Variants in BCL6B observed in about 807,000 individuals in gnomAD.
The protein encoded by BCL6B is B-cell CLL/lymphoma 6 member B protein.
BCL6B carries 28 observed loss-of-function variants against 44.6 expected under a neutral mutation model. That is an observed-to-expected ratio of 0.63 (90% CI 0.47 to 0.86). The LOEUF (loss-of-function observed/expected upper bound fraction) is 0.86, where lower values mean the gene tolerates loss of function less well. Ranked by LOEUF, BCL6B falls within the 40% of genes least tolerant of loss-of-function variation. The pLI, the probability that BCL6B is intolerant of heterozygous loss-of-function variation, is 0.00. For missense variants in BCL6B, 626 were observed against 652.3 expected (o/e 0.96, Z 0.44); for synonymous variants, 268 against 263.6 (o/e 1.02, Z -0.16).
In BCL6B at chr17:7,024,165, G is replaced by C. The variant is rs1309030045; in HGVS notation, c.262G>C (p.Gly88Arg). 6.2e-7 allele frequency: 1 copy of C among 1,613,988 alleles called. No individual in the cohort carries two copies. The highest frequency in any genetic ancestry group is 8.5e-7 in the Non-Finnish European group (1 of 1,180,006). The change falls in exon 3 of 9, where the codon GGC (glycine) becomes CGC (arginine). Residue 88 changes from glycine to arginine, a missense_variant. Transcript: ENST00000293805. This position sits in a 1 kb window ranked among gnomAD's most constrained non-coding sequence, Gnocchi z 6.6. ...LSLPGGPEAR[G>R]FAPLLDFMYT... is the part of the protein sequence containing the mutation. ...TCTGCCCGGGGGTCCCGAAGCGAGA[G>C]GCTTCGCCCCTCTATTGGACTTCAT...
In BCL6B at chr17:7,026,988, G is replaced by A. The variant is rs202012338; in HGVS notation, c.1224G>A (p.Gly408=). 6.2e-7 allele frequency: 1 copy of A among 1,613,434 alleles called. No homozygotes were observed. Among genetic ancestry groups the A allele is most frequent in the Non-Finnish European group, 8.5e-7 (1 of 1,179,998 alleles). ...GGGCGCACGTGCTGATCCACACCGG[G>A]GAGAAGCCCTACCCTTGCCCTACCT... ...HLRAHVLIHT[G]EKPYPCPTCG... The change falls in exon 8 of 9, where the codon GGG becomes GGA. Residue 408 remains glycine (G), a synonymous_variant. Transcript: ENST00000293805.
chr17:7,024,029 GCA>G lies in BCL6B; in HGVS notation c.180-53_180-52del. On this transcript the variant is annotated intron_variant, in intron 2 of 8. Transcript: ENST00000293805. The surrounding 1 kb of genome is among the most constrained non-coding windows in gnomAD (Gnocchi z 6.6). ...AGGGGGCGGGGCTTCCTGAAGCTGC[GCA>G]TGTCTCCCTTGGTTCCCCAGCCCCC... 1 of 1,581,024 alleles carries G rather than the reference GCA, an allele frequency of 6.3e-7. No individual in the cohort carries two copies. The highest frequency in any genetic ancestry group is 8.7e-7 in the Non-Finnish European group (1 of 1,153,494).
intron 5 of BCL6B, among the ~76,000 whole-genome samples, chr17:7,025,709 C>T (rs1910266627): frequency 3.3e-5 from 5 of 151,964 alleles, no homozygotes; most frequent in Admixed American, 1.3e-4. Context: ...CGGTGGTGCA[C>T]ACCTGTAGTC....
Position 7,027,032 on chromosome 17 carries a change from A to C in BCL6B, c.1268A>C (p.His423Pro), listed in dbSNP as rs752543663. Residue 423 changes from histidine (H) to proline (P), a missense_variant, in exon 8 of 9, where the codon CAC becomes CCC. His to Pro is a moderately conservative substitution (Grantham distance 77). Transcript: ENST00000293805. ...PCPTCGTRFR[H>P]LQTLKSHVRI... Reference sequence around the variant, plus strand: ...CCTACCTGCGGAACCCGCTTCCGCCACCTGCAGACCCTCAAGAGCCACGTT... The same window carrying C: ...CCTACCTGCGGAACCCGCTTCCGCCCCCTGCAGACCCTCAAGAGCCACGTT... The C allele has an allele frequency of 6.2e-6, 10 of 1,613,932 alleles. No individual in the cohort carries two copies. Among genetic ancestry groups the C allele is most frequent in the Non-Finnish European group, 8.5e-6 (10 of 1,179,992 alleles).
Position 7,029,405 on chromosome 17 carries a change from T to G in BCL6B, c.*1786T>G. On this transcript the variant is annotated 3_prime_UTR_variant, in exon 9 of 9. Coordinates refer to ENST00000293805, the MANE Select transcript of BCL6B (RefSeq NM_181844.4). Reference sequence around the variant, plus strand: ...TGTGGGGTAGAACTTCAACAATAAGTCAGTTCTAGTGGCTGTCGCCTGGGG... The same window carrying G: ...TGTGGGGTAGAACTTCAACAATAAGGCAGTTCTAGTGGCTGTCGCCTGGGG... 3.0e-6 allele frequency: 3 copies of G among 1,003,124 alleles called. No individual in the cohort carries two copies. The South Asian group carries it at 1.2e-4, about 41-fold the overall frequency. 62.1% of individuals were successfully genotyped at this position (1,003,124 alleles called of 1,614,324 possible). A position where few individuals can be genotyped will look rare whatever the true frequency, so the allele number is the denominator to read the frequency against.
Position 7,024,228 on chromosome 17 carries a change from C to T in BCL6B, c.325C>T (p.Pro109Ser), listed in dbSNP as rs369396168. 4.5e-5 allele frequency: 73 copies of T among 1,613,906 alleles called. 1 individual carries two copies. In the African/African-American group the frequency reaches 8.3e-4, roughly 18 times the overall value. ...CCTGCGCCTCTCTCCAGCCACTGCA[C>T]CAGCAGTCCTAGCGGCCGCCACCTA... ...SRLRLSPATA[P>S]AVLAAATYLQ... The change falls in exon 3 of 9, where the codon CCA becomes TCA. Residue 109 changes from proline (P) to serine (S), a missense_variant. Pro to Ser is a moderately conservative substitution (Grantham distance 74). Coordinates refer to ENST00000293805, the MANE Select transcript of BCL6B (RefSeq NM_181844.4). The surrounding 1 kb of genome is among the most constrained non-coding windows in gnomAD (Gnocchi z 6.6).
chr17:7,023,664 G>A lies in BCL6B; in HGVS notation c.-8G>A, dbSNP rs373824573. On this transcript the variant is annotated 5_prime_UTR_variant, in exon 2 of 9. It adds an upstream start codon to the 5' untranslated region. Coordinates refer to ENST00000293805, the MANE Select transcript of BCL6B (RefSeq NM_181844.4). The stretch of plus-strand genomic sequence containing the variant: ...CACTTTCCACGGCCTCTACAGGCCT[G>A]TGTCGCTATGGGTTCCCCCGCCGCC... The A allele has an allele frequency of 8.7e-6, 14 of 1,610,644 alleles. No individual in the cohort carries two copies. The East Asian group carries it at 1.3e-4, about 15-fold the overall frequency.
chr17:7,028,568 G>T lies in BCL6B; in HGVS notation c.*949G>T. 1.2e-6 allele frequency: 1 copy of T among 838,198 alleles called. No homozygotes were observed. The highest frequency in any genetic ancestry group is 1.3e-6 in the Non-Finnish European group (1 of 763,786). The allele number at this position is 838,198 out of a possible 1,614,324, so 51.9% of individuals were successfully genotyped here. ...AATCTGGTCACTTGGGTTTGGCTCT[G>T]CTGTATCCATCTATAGTGGTAGAGA... On this transcript the variant is annotated 3_prime_UTR_variant, in exon 9 of 9. Coordinates refer to ENST00000293805, the MANE Select transcript of BCL6B (RefSeq NM_181844.4).
Position 7,027,088 on chromosome 17 carries a change from G to A in BCL6B, c.1323+1G>A, listed in dbSNP as rs1043446742. 2 of 1,613,716 alleles carry A rather than the reference G, an allele frequency of 1.2e-6. No individual in the cohort carries two copies. Among genetic ancestry groups the A allele is most frequent in the East Asian group, 2.2e-5 (1 of 44,888 alleles). ...CCACACCGGAGAGAAGCCTTACCAC[G>A]TGGGTACCCAACCTGGCCTGCCCAC... is the stretch of plus-strand genomic sequence containing the variant. On this transcript the variant is annotated splice_donor_variant, in intron 8 of 8. Coordinates refer to ENST00000293805, the MANE Select transcript of BCL6B (RefSeq NM_181844.4). LOFTEE classifies it high-confidence loss of function.
chr17:7,023,096 G>A lies in BCL6B; in HGVS notation c.-16G>A, dbSNP rs1264033033. The A allele has an allele frequency of 6.6e-6, 1 of 152,434 alleles. No individual in the cohort carries two copies. The highest frequency in any genetic ancestry group is 1.9e-4 in the East Asian group (1 of 5,190). 9.4% of individuals were successfully genotyped at this position (152,434 alleles called of 1,614,324 possible). ...AGAGAAGCCGCGGCCCCTGCAGGAC[G>A]GGGGTAAGAACAAGAGACTGAGGGA... On this transcript the variant is annotated 5_prime_UTR_variant, in exon 1 of 9. Transcript: ENST00000293805.
chr17:7,028,813 A>G lies in BCL6B; in HGVS notation c.*1194A>G, dbSNP rs543499219. On this transcript the variant is annotated 3_prime_UTR_variant, in exon 9 of 9. Coordinates refer to ENST00000293805, the MANE Select transcript of BCL6B (RefSeq NM_181844.4). The stretch of plus-strand genomic sequence containing the variant: ...ACAGTGTTAACCCATCCTTTACTAC[A>G]GAGGCATATGGGTTTGAATGTTACC... 1.0e-6 allele frequency: 1 copy of G among 985,452 alleles called. No homozygotes were observed. The highest frequency in any genetic ancestry group is 6.1e-5 in the Admixed American group (1 of 16,286). 61.0% of individuals were successfully genotyped at this position (985,452 alleles called of 1,614,324 possible). A position where few individuals can be genotyped will look rare whatever the true frequency, so the allele number is the denominator to read the frequency against.
rs764470868 is a variant in BCL6B at position 7,026,997 on chromosome 17, C to G, written c.1233C>G (p.Pro411=). 6 of 1,613,520 alleles carry G rather than the reference C, an allele frequency of 3.7e-6. No individual in the cohort carries two copies. Among genetic ancestry groups the G allele is most frequent in the African/African-American group, 1.3e-5 (1 of 74,898 alleles). The change falls in exon 8 of 9, where the codon CCC becomes CCG. Residue 411 remains proline, a synonymous_variant. Transcript: ENST00000293805. ...AHVLIHTGEK[P]YPCPTCGTRF... ...TGCTGATCCACACCGGGGAGAAGCC[C>G]TACCCTTGCCCTACCTGCGGAACCC...
chr17:7,028,670 G>T lies in BCL6B; in HGVS notation c.*1051G>T. ...AGCACTGAGTTGATCGCTCCATGGG[G>T]GAGAGATCAGACATTCCTTATCAGA... On this transcript the variant is annotated 3_prime_UTR_variant, in exon 9 of 9. Coordinates refer to ENST00000293805, the MANE Select transcript of BCL6B (RefSeq NM_181844.4). The T allele has an allele frequency of 1.0e-6, 1 of 985,426 alleles. No individual in the cohort carries two copies. The highest frequency in any genetic ancestry group is 1.2e-6 in the Non-Finnish European group (1 of 829,950). 61.0% of individuals were successfully genotyped at this position (985,426 alleles called of 1,614,324 possible).
chr17:7,023,224 A>G (rs1313916490), intron 1 of BCL6B, 125 bp downstream of exon 1: 7 of 175,998 alleles, frequency 4.0e-5, no homozygotes, highest in African/African-American at 7.2e-5. Flanking sequence ...TGGGGACTAG[A>G]TAGGAGTCGC....
At position 7,027,836 on chromosome 17, in the gene BCL6B, G is replaced by T; in HGVS notation, c.*217G>T. ...GTCAAAACCTCTTCCCCACAAGCCA[G>T]ATTGTTTCTGAGGAGAGAGCTAGCT... On this transcript the variant is annotated 3_prime_UTR_variant, in exon 9 of 9. Transcript: ENST00000293805. 5 of 1,410,742 alleles carry T rather than the reference G, an allele frequency of 3.5e-6. No homozygotes were observed. The highest frequency in any genetic ancestry group is 4.6e-6 in the Non-Finnish European group (5 of 1,085,128). 87.4% of individuals were successfully genotyped at this position (1,410,742 alleles called of 1,614,324 possible).
At position 7,027,493 on chromosome 17, in the gene BCL6B, C is replaced by A; in HGVS notation, c.1324-10C>A. On this transcript the variant is annotated splice_polypyrimidine_tract_variant and intron_variant, in intron 8 of 8. Transcript: ENST00000293805. ...ATGGGGCAGGGCCTGACTTGGCTGT[C>A]CTCCCACAGTGCGACCCCTGTGGCC... 1.9e-6 allele frequency: 3 copies of A among 1,613,794 alleles called. No homozygotes were observed. Among genetic ancestry groups the A allele is most frequent in the Non-Finnish European group, 2.5e-6 (3 of 1,179,984 alleles).
chr17:7,029,255 G>C lies in BCL6B; in HGVS notation c.*1636G>C. On this transcript the variant is annotated 3_prime_UTR_variant, in exon 9 of 9. Transcript: ENST00000293805. ...AAGTGAGGAACAGGGTTGCCTCTTG[G>C]CTGGGTGGAGTCTCTGAAATGTTAG... is the stretch of plus-strand genomic sequence containing the variant. 1.0e-6 allele frequency: 1 copy of C among 986,642 alleles called. No individual in the cohort carries two copies. Among genetic ancestry groups the C allele is most frequent in the Non-Finnish European group, 1.2e-6 (1 of 830,776 alleles). The allele number at this position is 986,642 out of a possible 1,614,324, so 61.1% of individuals were successfully genotyped here.
At position 7,023,408 on chromosome 17, in the gene BCL6B, C is replaced by T. The variant is rs1267600457; in HGVS notation, c.-12-252C>T. On this transcript the variant is annotated intron_variant, in intron 1 of 8. Transcript: ENST00000293805. ...CCAGGGCGATGGGCGCGGGATTCCCCACGCTCGCCAACGACGCCGCGGTGT... is the reference window on the plus strand; with the variant it reads ...CCAGGGCGATGGGCGCGGGATTCCCTACGCTCGCCAACGACGCCGCGGTGT... 1.0e-5 allele frequency: 5 copies of T among 485,906 alleles called. No homozygotes were observed. In the Admixed American group the frequency reaches 1.5e-4, roughly 15 times the overall value. 30.1% of individuals were successfully genotyped at this position (485,906 alleles called of 1,614,324 possible). A position where few individuals can be genotyped will look rare whatever the true frequency, so the allele number is the denominator to read the frequency against.
chr17:7,024,067 T>C lies in BCL6B; in HGVS notation c.180-16T>C, dbSNP rs530841780. 6.2e-6 allele frequency: 10 copies of C among 1,612,918 alleles called. No homozygotes were observed. Among genetic ancestry groups the C allele is most frequent in the Middle Eastern group, 1.7e-4 (1 of 6,018 alleles). On this transcript the variant is annotated splice_polypyrimidine_tract_variant and intron_variant, in intron 2 of 8. Transcript: ENST00000293805. The surrounding 1 kb of genome is among the most constrained non-coding windows in gnomAD (Gnocchi z 6.6). ...GGTTCCCCAGCCCCCAAAGGACTTA[T>C]CTGCTCTCTCTCTAGTGGCTTCTTC...
Sources: gnomAD v4.1 joint callset for allele counts (sites outside exome capture counted in the v4.1 genomes callset) on GRCh38, gnomAD v4.1.1 for gene constraint, Gnocchi (gnomAD v3.1) non-coding constraint, MANE v1.5 for transcripts, NCBI Gene and HGNC (gene_info 2026-07-23, HGNC 2026-07-21) for gene names.